PTPRC: variants seen among roughly 807,000 people sequenced by gnomAD.
PTPRC encodes the protein receptor-type tyrosine-protein phosphatase C.
Under a neutral mutation model 155.9 loss-of-function variants are expected in PTPRC, and 44 were observed. The observed-to-expected ratio is 0.28, with a 90% CI of 0.22 to 0.36. The LOEUF (loss-of-function observed/expected upper bound fraction) is 0.36. Among genes scored for constraint, PTPRC ranks in the 10% least tolerant of loss-of-function variants. The pLI, the probability that PTPRC is intolerant of heterozygous loss-of-function variation, is 1.00. For missense variants in PTPRC, 1,401 were observed against 1,564.6 expected (o/e 0.90, Z 1.76); for synonymous variants, 525 against 533.1 (o/e 0.98, Z 0.21).
chr1:198,680,098 A>G, intron 2 of PTPRC: 1 of 419,730 alleles, frequency 2.4e-6, no homozygotes, highest in Non-Finnish European at 4.3e-6. Flanking sequence ...GCGCAGGCGC[A>G]GCGGCGACTC....
At position 198,719,503 on chromosome 1, in the gene PTPRC, T is replaced by C. The variant is rs530232384; in HGVS notation, c.1659+1201T>C. 9.8e-5 allele frequency among the ~76,000 whole-genome samples: 15 copies of C among 152,334 alleles called. No individual in the cohort carries two copies. In the South Asian group the frequency reaches 2.9e-3, roughly 29 times the overall value. On this transcript the variant is annotated intron_variant, in intron 14 of 32. Transcript: ENST00000442510. ...TTTAAACAAATGTATCTGTCACTTT[T>C]ATTCCTGTTAAATAGAAATTTCCAT...
chr1:198,693,705 A>G (rs1040527727), intron 3 of PTPRC, among the ~76,000 whole-genome samples: 1 of 152,226 alleles, frequency 6.6e-6, no homozygotes, highest in South Asian at 2.1e-4. Flanking sequence ...GTGGAGGTTC[A>G]AGAACAATGT....
intron 2 of PTPRC, among the ~76,000 whole-genome samples, chr1:198,689,175 T>C (rs1046812068): frequency 1.3e-5 from 2 of 152,196 alleles, no homozygotes; most frequent in South Asian, 4.1e-4. Flanking sequence ...ATATACATCA[T>C]GTATTTCTTT....
intron 7 of PTPRC, 74 bp from the exon 8 acceptor site, chr1:198,704,398 G>C: frequency 6.2e-7 from 1 of 1,605,626 alleles, no homozygotes; most frequent in Non-Finnish European, 8.5e-7. Context: ...TTGTAAATCA[G>C]CTTTCCCAAA....
intron 2 of PTPRC, among the ~76,000 whole-genome samples, chr1:198,646,556 T>C (rs1406102056): frequency 1.3e-5 from 2 of 151,868 alleles, no homozygotes; most frequent in African/African-American, 4.8e-5. Flanking sequence ...AATCGGGCAA[T>C]ATTAACCATT....
intron 12 of PTPRC, among the ~76,000 whole-genome samples, chr1:198,715,445 T>A (rs544307783): frequency 6.6e-6 from 1 of 152,180 alleles, no homozygotes; most frequent in South Asian, 2.1e-4. Flanking sequence ...TTTGGAGAAC[T>A]GCAGTTTTAT....
intron 3 of PTPRC, among the ~76,000 whole-genome samples, chr1:198,696,376 C>T (rs185452406): frequency 5.3e-5 from 8 of 151,964 alleles, no homozygotes; most frequent in Admixed American, 2.6e-4. Context: ...AACTCAATTG[C>T]TTTGGATAGG....
At chr1:198,679,740 G>T (rs1242611805) in intron 2 of PTPRC, 2 of 414,128 alleles carry the variant, frequency 4.8e-6, no homozygotes, top group East Asian at 3.6e-5. Context: ...TAATGGAGAT[G>T]ACTGGGCCAC....
At chr1:198,722,118 G>A (rs1313596253) in intron 14 of PTPRC, among the ~76,000 whole-genome samples, 2 of 150,654 alleles carry the variant, frequency 1.3e-5, no homozygotes, top group African/African-American at 2.4e-5. Context: ...ATATTTTGAT[G>A]TATTGGATTT....
intron 14 of PTPRC, 66 bp from the exon 15 acceptor site, chr1:198,722,348 TAA>T (rs1491458780): frequency 6.0e-6 from 4 of 666,746 alleles, no homozygotes; most frequent in African/African-American, 2.0e-5. Flanking sequence ...TTGTGATATA[TAA>T]TATATATATA....
At chr1:198,734,855 T>C (rs1254381094) in intron 22 of PTPRC, among the ~76,000 whole-genome samples, 1 of 151,688 alleles carries the variant, frequency 6.6e-6, no homozygotes. Context: ...ATATCCTTTT[T>C]GCTGACAACT....
At chr1:198,725,563 G>A (rs1267097001) in intron 15 of PTPRC, among the ~76,000 whole-genome samples, 3 of 152,068 alleles carry the variant, frequency 2.0e-5, no homozygotes, top group Non-Finnish European at 4.4e-5. Context: ...TTGCATATGT[G>A]GACAATTACA....
chr1:198,658,000 T>C (rs1249768402), intron 2 of PTPRC, among the ~76,000 whole-genome samples: 1 of 152,092 alleles, frequency 6.6e-6, no homozygotes, highest in East Asian at 1.9e-4. Context: ...ACAGTACAGG[T>C]TTTTCACCTT....
chr1:198,696,885 A>G lies in PTPRC; in HGVS notation c.274A>G (p.Asn92Asp), dbSNP rs61757804. The G allele has an allele frequency of 3.9e-5, 63 of 1,613,874 alleles. No homozygotes were observed. Among genetic ancestry groups the G allele is most frequent in the Non-Finnish European group, 5.2e-5 (61 of 1,179,850 alleles). ...STQVSPDSLD[N>D]ASAFNTTGVS... ...CCAAGTATCCCCGGACTCTTTGGAT[A>G]ATGCTAGTGCTTTTAATACCACAGG... Residue 92 changes from asparagine (N) to aspartate (D), a missense_variant, in exon 4 of 33, where the codon AAT becomes GAT. Asn to Asp is a conservative substitution (Grantham distance 23). Around this residue, in one of 3 missense-constraint regions of PTPRC, gnomAD observed 867 missense variants for 970.4 expected, o/e 0.89. Coordinates refer to ENST00000442510, the MANE Select transcript of PTPRC (RefSeq NM_002838.5).
rs75614501 is a variant in PTPRC, at chr1:198,681,968, A to T, written c.74-10379A>T. On this transcript the variant is annotated intron_variant, in intron 2 of 32. Transcript: ENST00000442510. ...GATTATGCTGGTGCTATGGCAACCTATTGCACCATTTGGTAGCGCCTGTGT... is the reference window on the plus strand; with the variant it reads ...GATTATGCTGGTGCTATGGCAACCTTTTGCACCATTTGGTAGCGCCTGTGT... Among the ~76,000 whole-genome samples the T allele has an allele frequency of 2.4e-3, 359 of 152,310 alleles. 1 individual carries two copies. The highest frequency in any genetic ancestry group is 8.4e-3 in the African/African-American group (348 of 41,562).
chr1:198,695,014 C>A, intron 3 of PTPRC: 1 of 953,202 alleles, frequency 1.0e-6, no homozygotes, highest in Non-Finnish European at 1.2e-6. Flanking sequence ...AAATAACACA[C>A]ATAACAAGTC....
At chr1:198,666,357 C>T (rs1383195952) in intron 2 of PTPRC, among the ~76,000 whole-genome samples, 2 of 151,484 alleles carry the variant, frequency 1.3e-5, no homozygotes, top group African/African-American at 4.9e-5. Flanking sequence ...GTTTTTTCCA[C>T]ACATGTAGGA....
intron 15 of PTPRC, among the ~76,000 whole-genome samples, chr1:198,725,523 C>T (rs1315538571): frequency 2.0e-5 from 3 of 152,158 alleles, no homozygotes; most frequent in African/African-American, 7.2e-5. Flanking sequence ...GTTCTTCTCA[C>T]AGTAGGACAG....
At chr1:198,685,450 T>A (rs1665567818) in intron 2 of PTPRC, among the ~76,000 whole-genome samples, 1 of 151,952 alleles carries the variant, frequency 6.6e-6, no homozygotes, top group East Asian at 1.9e-4. Context: ...ACTGTTGCCA[T>A]CATTATTATA....
Sources: allele counts gnomAD v4.1 joint callset (sites outside exome capture counted in the v4.1 genomes callset), GRCh38; gene constraint gnomAD v4.1.1; regional missense constraint gnomAD v4.1.1; transcripts MANE v1.5; gene names NCBI Gene and HGNC (gene_info 2026-07-23, HGNC 2026-07-21).